DZIP1L: variants seen among roughly 807,000 people sequenced by gnomAD.
The protein encoded by DZIP1L is DAZ interacting zinc finger protein 1 like.
A neutral mutation model predicts 88.7 loss-of-function variants in DZIP1L; 90 were observed. The ratio of observed to expected loss-of-function variants is 1.02; its 90% CI spans 0.86 to 1.21. The LOEUF (loss-of-function observed/expected upper bound fraction) is 1.21. Ranked by LOEUF, DZIP1L falls within the 50% of genes most tolerant of loss-of-function variation. The probability of loss-of-function intolerance (pLI) is 0.00; values close to 1 mark genes in which losing one functional copy is unlikely to be tolerated. For missense variants in DZIP1L, 932 were observed against 955.8 expected (o/e 0.98, Z 0.33); for synonymous variants, 363 against 372.1 (o/e 0.98, Z 0.28).
chr3:138,102,652 G>C, intron 2 of DZIP1L: 1 of 1,384,194 alleles, frequency 7.2e-7, no homozygotes, highest in Non-Finnish European at 1.0e-6. Flanking sequence ...CTTCTCCTGG[G>C]TGCACATGGC....
chr3:138,075,692 A>G (rs1943372058), intron 11 of DZIP1L, among the ~76,000 whole-genome samples: 1 of 152,236 alleles, frequency 6.6e-6, no homozygotes, highest in Non-Finnish European at 1.5e-5. Flanking sequence ...AAATGCTTAC[A>G]TCAAAAAGTC....
chr3:138,078,025 A>T (rs1943492848), intron 10 of DZIP1L, among the ~76,000 whole-genome samples: 1 of 152,206 alleles, frequency 6.6e-6, no homozygotes, highest in Non-Finnish European at 1.5e-5. Context: ...AAAAATTAAT[A>T]GTCCCTCACC....
chr3:138,111,081 T>A (rs11924423), intron 1 of DZIP1L, among the ~76,000 whole-genome samples: 2,689 of 152,302 alleles, frequency 0.018, 85 homozygotes, highest in African/African-American at 0.062. Flanking sequence ...CTCCCCTGGC[T>A]GTGAACTTTA....
intron 12 of DZIP1L, among the ~76,000 whole-genome samples, chr3:138,069,828 G>A (rs2107739660): frequency 6.6e-6 from 1 of 152,224 alleles, no homozygotes; most frequent in South Asian, 2.1e-4. Context: ...AATGGGAGGT[G>A]AGCATTAAGA....
At chr3:138,092,618 GCCTCCTTGTCTATGCAA>G (rs1944292984) in intron 4 of DZIP1L, 74 bp from the exon 5 acceptor site, 1 of 1,429,798 alleles carries the variant, frequency 7.0e-7, no homozygotes, top group Non-Finnish European at 9.2e-7. Flanking sequence ...ACCTACTTAG[GCCTCCTTGTCTATGCAA>G]GTCACTATGG....
At chr3:138,095,221 G>A (rs1163508136) in intron 3 of DZIP1L, among the ~76,000 whole-genome samples, 1 of 152,204 alleles carries the variant, frequency 6.6e-6, no homozygotes, top group Non-Finnish European at 1.5e-5. Flanking sequence ...AGAATGCAAA[G>A]TGCTTAGCAT....
chr3:138,104,526 G>A (rs952509833), intron 1 of DZIP1L, among the ~76,000 whole-genome samples: 33 of 152,358 alleles, frequency 2.2e-4, no homozygotes, highest in Admixed American at 1.9e-3. Flanking sequence ...ACAACTTGCT[G>A]TGAGTGACCA....
At chr3:138,102,316 C>A (rs1232196482) in intron 2 of DZIP1L, 6 of 1,346,232 alleles carry the variant, frequency 4.5e-6, no homozygotes, top group Non-Finnish European at 6.4e-6. Context: ...TAAGCTTCAT[C>A]CACATCTTTC....
In DZIP1L at chr3:138,092,499, ATTCT is replaced by A. The variant is rs1453841252; in HGVS notation, c.750_753del (p.Lys250AsnfsTer17). The A allele has an allele frequency of 1.2e-6, 2 of 1,603,082 alleles. No individual in the cohort carries two copies. Among genetic ancestry groups the A allele is most frequent in the African/African-American group, 2.7e-5 (2 of 74,350 alleles). On this transcript the variant is annotated frameshift_variant, in exon 5 of 16. Coordinates refer to ENST00000327532, the MANE Select transcript of DZIP1L (RefSeq NM_173543.3). LOFTEE classifies it high-confidence loss of function. Reference sequence around the variant, plus strand: ...CACTCTTGCTCTTTCCATTTATCAAATTCTTTCTTAGCTTCTATTTCCCTCTGAT... The same window carrying A: ...CACTCTTGCTCTTTCCATTTATCAAATTCTTAGCTTCTATTTCCCTCTGAT...
chr3:138,102,578 G>A (rs1348414610), intron 2 of DZIP1L: 2 of 1,450,410 alleles, frequency 1.4e-6, no homozygotes, highest in East Asian at 4.5e-5. Context: ...TTGTTCTGCT[G>A]CTCCAGGAAC....
rs779020552 is a variant in DZIP1L at position 138,092,393 on chromosome 3, G to A, written c.860C>T (p.Thr287Ile). 2.2e-5 allele frequency: 35 copies of A among 1,588,594 alleles called. No individual in the cohort carries two copies. The highest frequency in any genetic ancestry group is 2.7e-5 in the Non-Finnish European group (32 of 1,171,166). Residue 287 changes from threonine (T) to isoleucine (I), a missense_variant, in exon 5 of 16, where the codon ACA becomes ATA. Transcript: ENST00000327532. ...EFKNVAKQNS[T>I]LEEKLRALQS... is the part of the protein sequence containing the mutation. Reference sequence around the variant, plus strand: ...TTTTATGTTGGGTACCTCTTCTAGTGTAGAGTTCTGCTTGGCGACATTTTT... The same window carrying A: ...TTTTATGTTGGGTACCTCTTCTAGTATAGAGTTCTGCTTGGCGACATTTTT...
intron 2 of DZIP1L, chr3:138,102,405 C>T: frequency 7.4e-7 from 1 of 1,344,508 alleles, no homozygotes; most frequent in Non-Finnish European, 1.1e-6. Flanking sequence ...GTCCTCCACC[C>T]AGCCCCTGCA....
intron 8 of DZIP1L, among the ~76,000 whole-genome samples, chr3:138,083,018 A>G (rs1943735839): frequency 6.6e-6 from 1 of 152,272 alleles, no homozygotes; most frequent in Admixed American, 6.5e-5. Context: ...AACCAAGCCC[A>G]GCAACTGTCA....
At chr3:138,096,825 C>T (rs1443377497) in intron 3 of DZIP1L, among the ~76,000 whole-genome samples, 1 of 152,020 alleles carries the variant, frequency 6.6e-6, no homozygotes, top group Non-Finnish European at 1.5e-5. Context: ...AAAAGTTTTA[C>T]TTAATGGCAT....
intron 7 of DZIP1L, 68 bp from the exon 8 acceptor site, chr3:138,084,321 G>A: frequency 6.4e-7 from 1 of 1,558,720 alleles, no homozygotes; most frequent in Non-Finnish European, 8.7e-7. Flanking sequence ...GTGTCTGCAG[G>A]CTCAGCACCT....
intron 1 of DZIP1L, among the ~76,000 whole-genome samples, chr3:138,111,149 C>A (rs568119921): frequency 3.9e-5 from 6 of 152,316 alleles, no homozygotes; most frequent in Non-Finnish European, 7.3e-5. Context: ...CAGCCCATTA[C>A]CTGGCACCCA....
chr3:138,089,937 C>T (rs2107801515), intron 5 of DZIP1L, among the ~76,000 whole-genome samples: 1 of 151,910 alleles, frequency 6.6e-6, no homozygotes. Flanking sequence ...TCACTTGAGC[C>T]CAGGAGGCCA....
At chr3:138,115,269 C>G (rs533451196) in intron 1 of DZIP1L, 59 bp downstream of exon 1, 4 of 152,348 alleles carry the variant, frequency 2.6e-5, no homozygotes, top group Admixed American at 2.6e-4. Context: ...GCCAAGCTAC[C>G]CACCCGCCCC....
intron 11 of DZIP1L, among the ~76,000 whole-genome samples, chr3:138,076,873 C>A (rs1390715682): frequency 6.6e-6 from 1 of 151,964 alleles, no homozygotes; most frequent in Non-Finnish European, 1.5e-5. Context: ...ATTCATGTAA[C>A]CAAACACCAC....
Sources: gnomAD v4.1 joint callset for allele counts (sites outside exome capture counted in the v4.1 genomes callset) on GRCh38, gnomAD v4.1.1 for gene constraint, MANE v1.5 for transcripts, NCBI Gene and HGNC (gene_info 2026-07-23, HGNC 2026-07-21) for gene names.